ITGB3: variants seen among roughly 807,000 people sequenced by gnomAD.
ITGB3 encodes integrin beta-3.
In ITGB3, 48 loss-of-function variants were observed where a neutral mutation model predicts 85.8. The ratio of observed to expected loss-of-function variants is 0.56; its 90% CI spans 0.44 to 0.71. ITGB3 has a LOEUF of 0.71. Among genes scored for constraint, ITGB3 ranks in the 30% least tolerant of loss-of-function variants. The probability of loss-of-function intolerance (pLI) is 0.00; values close to 1 mark genes in which losing one functional copy is unlikely to be tolerated. For synonymous variants in ITGB3, 363 were observed against 395.6 expected, an observed-to-expected ratio of 0.92 and a Z score of 0.98; for missense variants, 861 against 1,019.1, an observed-to-expected ratio of 0.84 and a Z score of 2.11.
intron 1 of ITGB3, among the ~76,000 whole-genome samples, chr17:47,258,487 AC>A (rs2064998173): frequency 6.6e-6 from 1 of 151,608 alleles, no homozygotes. Context: ...AGTAAAATTC[AC>A]CCTTTTTAGT....
chr17:47,296,966 A>T (rs1262531024), intron 10 of ITGB3, among the ~76,000 whole-genome samples: 1 of 152,136 alleles, frequency 6.6e-6, no homozygotes, highest in East Asian at 1.9e-4. Flanking sequence ...AGAACATTTG[A>T]CTCCTAAAAT....
At chr17:47,287,340 G>A in intron 6 of ITGB3, 109 bp downstream of exon 6, 1 of 1,300,220 alleles carries the variant, frequency 7.7e-7, no homozygotes, top group Non-Finnish European at 1.1e-6. Flanking sequence ...TTCTGGGCAG[G>A]GTGCAGGGCT....
chr17:47,292,396 T>C lies in ITGB3; in HGVS notation c.1518T>C (p.Pro506=). 2 of 1,613,594 alleles carry C rather than the reference T, an allele frequency of 1.2e-6. No individual in the cohort carries two copies. The highest frequency in any genetic ancestry group is 1.7e-6 in the Non-Finnish European group (2 of 1,179,500). The change falls in exon 10 of 15, where the codon CCT becomes CCC. Residue 506 remains proline (P), a synonymous_variant. Coordinates refer to ENST00000559488, the MANE Select transcript of ITGB3 (RefSeq NM_000212.3). ...QCECSEEDYR[P]SQQDECSPRE... ...AGTGCTCAGAGGAGGACTATCGCCC[T>C]TCCCAGCAGGACGAATGCAGCCCCC...
chr17:47,276,854 G>T (rs2065065695), intron 2 of ITGB3, among the ~76,000 whole-genome samples: 1 of 152,176 alleles, frequency 6.6e-6, no homozygotes, highest in Non-Finnish European at 1.5e-5. Context: ...AGGTGAACTG[G>T]CTGGTCCATT....
rs566819203 is a variant in ITGB3, at chr17:47,254,619, A to G, written c.79+679A>G. ...CAGACCCTGCACCCGAAAAATCTCT[A>G]GTGTATTCGGGGAGCCATGAAAAGG... On this transcript the variant is annotated intron_variant, in intron 1 of 14. Transcript: ENST00000559488. 1.1e-3 allele frequency among the ~76,000 whole-genome samples: 172 copies of G among 151,936 alleles called. 1 individual carries two copies. Among genetic ancestry groups the G allele is most frequent in the African/African-American group, 4.0e-3 (166 of 41,402 alleles).
At chr17:47,305,018 C>A (rs2065182171) in intron 13 of ITGB3, among the ~76,000 whole-genome samples, 1 of 152,206 alleles carries the variant, frequency 6.6e-6, no homozygotes, top group South Asian at 2.1e-4. Flanking sequence ...CTCCAGAGGT[C>A]ACCTGATCTT....
At position 47,299,516 on chromosome 17, in the gene ITGB3, C is replaced by G; in HGVS notation, c.1899C>G (p.Ala633=). Residue 633 remains alanine (A), a synonymous_variant, in exon 11 of 15, where the codon GCC becomes GCG. Transcript: ENST00000559488. This position sits in a 1 kb window ranked among gnomAD's most constrained non-coding sequence, Gnocchi z 5.1. ...AGAAGTGCCCCACCTGCCCAGATGCCTGCACCTTTAAGAAGTGAGTGTGGA... is the reference window on the plus strand; with the variant it reads ...AGAAGTGCCCCACCTGCCCAGATGCGTGCACCTTTAAGAAGTGAGTGTGGA... ...TCEKCPTCPD[A]CTFKKECVEC... 7.4e-6 allele frequency: 12 copies of G among 1,614,124 alleles called. No individual in the cohort carries two copies. Among genetic ancestry groups the G allele is most frequent in the Non-Finnish European group, 1.0e-5 (12 of 1,179,956 alleles).
chr17:47,280,283 A>G (rs1875011255), intron 2 of ITGB3, among the ~76,000 whole-genome samples: 1 of 152,190 alleles, frequency 6.6e-6, no homozygotes, highest in African/African-American at 2.4e-5. Context: ...GCTTCAGCCC[A>G]TGAAAGGGGG....
chr17:47,257,241 G>T (rs891689129), intron 1 of ITGB3, among the ~76,000 whole-genome samples: 1 of 152,098 alleles, frequency 6.6e-6, no homozygotes, highest in Non-Finnish European at 1.5e-5. Flanking sequence ...AAACTGATGG[G>T]GTCCCTTTCC....
chr17:47,264,630 G>A (rs1436802030), intron 1 of ITGB3, among the ~76,000 whole-genome samples: 2 of 151,974 alleles, frequency 1.3e-5, no homozygotes, highest in African/African-American at 4.8e-5. Context: ...TAGTGTTCTG[G>A]TCCCTAACTG....
Position 47,299,278 on chromosome 17 carries a change from G to A in ITGB3, c.1691-30G>A. The A allele has an allele frequency of 1.2e-6, 2 of 1,606,720 alleles. No homozygotes were observed. The highest frequency in any genetic ancestry group is 1.7e-6 in the Non-Finnish European group (2 of 1,175,474). On this transcript the variant is annotated intron_variant, in intron 10 of 14. Transcript: ENST00000559488. This position sits in a 1 kb window ranked among gnomAD's most constrained non-coding sequence, Gnocchi z 5.1. ...CATGGGAGTGGAGCTCTCGCCAGCGGGTCCACCTTCCTGGGCTGTGTGTTT... is the reference window on the plus strand; with the variant it reads ...CATGGGAGTGGAGCTCTCGCCAGCGAGTCCACCTTCCTGGGCTGTGTGTTT...
chr17:47,289,683 T>C lies in ITGB3; in HGVS notation c.942T>C (p.Asp314=). Residue 314 remains aspartate, a splice_region_variant and synonymous_variant, in exon 7 of 15, where the codon GAT becomes GAC. Coordinates refer to ENST00000559488, the MANE Select transcript of ITGB3 (RefSeq NM_000212.3). ...CTCTACATCCTTCATTTTCCTAGGA[T>C]TATCCCTCTTTGGGGCTGATGACTG... The part of the protein sequence containing the change: ...DNHYSASTTM[D]YPSLGLMTEK... 3 of 1,609,402 alleles carry C rather than the reference T, an allele frequency of 1.9e-6. No homozygotes were observed. The highest frequency in any genetic ancestry group is 2.6e-6 in the Non-Finnish European group (3 of 1,175,682).
At chr17:47,282,757 C>A (rs933184217) in intron 2 of ITGB3, among the ~76,000 whole-genome samples, 1 of 152,212 alleles carries the variant, frequency 6.6e-6, no homozygotes, top group Admixed American at 6.5e-5. Flanking sequence ...CTCTGACCTA[C>A]AGAAAGAAAC....
intron 6 of ITGB3, among the ~76,000 whole-genome samples, chr17:47,287,942 T>C (rs1050534943): frequency 4.1e-4 from 58 of 140,324 alleles, no homozygotes; most frequent in African/African-American, 1.5e-3. Flanking sequence ...TTTTTTTTTT[T>C]TGATACAGAG....
chr17:47,276,531 A>T (rs969380156), intron 2 of ITGB3, among the ~76,000 whole-genome samples: 10 of 152,196 alleles, frequency 6.6e-5, no homozygotes, highest in African/African-American at 2.4e-4. Context: ...GGACCAAAGA[A>T]AACAAATGGA....
intron 1 of ITGB3, among the ~76,000 whole-genome samples, chr17:47,268,704 T>G (rs2065034075): frequency 6.6e-6 from 1 of 152,236 alleles, no homozygotes; most frequent in South Asian, 2.1e-4. Flanking sequence ...TGGGCTGGCA[T>G]TGAATGTCTG....
chr17:47,284,071 C>G (rs1379406756), intron 3 of ITGB3, among the ~76,000 whole-genome samples: 1 of 152,162 alleles, frequency 6.6e-6, no homozygotes, highest in African/African-American at 2.4e-5. Flanking sequence ...GATTTACCTA[C>G]TATCAAGGCA....
chr17:47,283,531 G>A lies in ITGB3; in HGVS notation c.343G>A (p.Ala115Thr), dbSNP rs1471061006. 1 of 1,614,226 alleles carries A rather than the reference G, an allele frequency of 6.2e-7. No homozygotes were observed. Among genetic ancestry groups the A allele is most frequent in the African/African-American group, 1.3e-5 (1 of 75,056 alleles). Residue 115 changes from alanine to threonine, a missense_variant, in exon 3 of 15, where the codon GCA (alanine) becomes ACA (threonine). Coordinates refer to ENST00000559488, the MANE Select transcript of ITGB3 (RefSeq NM_000212.3). ...CACTCAAGTCAGTCCCCAGAGGATT[G>A]CACTCCGGCTCCGGCCAGGTAGGGC... ...QVTQVSPQRI[A>T]LRLRPDDSKN... is the part of the protein sequence containing the mutation.
chr17:47,292,621 C>T (rs2065131823), intron 10 of ITGB3, 53 bp downstream of exon 10: 1 of 1,572,818 alleles, frequency 6.4e-7, no homozygotes, highest in East Asian at 2.2e-5. Context: ...CCTCATATAC[C>T]TGCAACCACT....
Sources: allele counts gnomAD v4.1 joint callset (sites outside exome capture counted in the v4.1 genomes callset), GRCh38; gene constraint gnomAD v4.1.1; non-coding constraint Gnocchi (gnomAD v3.1); transcripts MANE v1.5; gene names NCBI Gene and HGNC (gene_info 2026-07-23, HGNC 2026-07-21).